LRBA: variants seen among roughly 807,000 people sequenced by gnomAD.
LRBA encodes the protein lipopolysaccharide-responsive and beige-like anchor protein.
A neutral mutation model predicts 330.0 loss-of-function variants in LRBA; 176 were observed. The ratio of observed to expected loss-of-function variants is 0.53; its 90% CI spans 0.47 to 0.60. The LOEUF (loss-of-function observed/expected upper bound fraction) is 0.60, where lower values mean the gene tolerates loss of function less well. Among genes scored for constraint, LRBA ranks in the 20% least tolerant of loss-of-function variants. The probability of loss-of-function intolerance (pLI) is 0.00; values close to 1 mark genes in which losing one functional copy is unlikely to be tolerated. For synonymous variants in LRBA, 1,230 were observed against 1,193.0 expected, an observed-to-expected ratio of 1.03 and a Z score of -0.64; for missense variants, 3,259 against 3,444.8, an observed-to-expected ratio of 0.95 and a Z score of 1.35.
At chr4:150,910,982 GT>G (rs921297209) in intron 9 of LRBA, among the ~76,000 whole-genome samples, 28 of 152,100 alleles carry the variant, frequency 1.8e-4, no homozygotes, top group Non-Finnish European at 3.7e-4. Flanking sequence ...TTTTCAAACT[GT>G]TCATTACTAC....
chr4:151,000,564 G>C (rs1167302920), intron 2 of LRBA, among the ~76,000 whole-genome samples: 1 of 152,174 alleles, frequency 6.6e-6, no homozygotes, highest in Non-Finnish European at 1.5e-5. Context: ...ACTTAGTAAA[G>C]TGACTAAAGG....
At chr4:150,407,955 G>T (rs983912209) in intron 47 of LRBA, among the ~76,000 whole-genome samples, 4 of 151,880 alleles carry the variant, frequency 2.6e-5, no homozygotes, top group South Asian at 4.1e-4. Flanking sequence ...TGGAAGAGAA[G>T]AACTCAAATA....
At chr4:150,500,533 G>A (rs148787875) in intron 40 of LRBA, among the ~76,000 whole-genome samples, 168 of 152,142 alleles carry the variant, frequency 1.1e-3, no homozygotes, top group African/African-American at 4.0e-3. Flanking sequence ...AGCTGAGATC[G>A]GACTACTGCA....
intron 37 of LRBA, among the ~76,000 whole-genome samples, chr4:150,618,848 G>GTGTATATATATATA (rs1032502834): frequency 6.8e-6 from 1 of 146,208 alleles, no homozygotes; most frequent in Admixed American, 6.8e-5. Flanking sequence ...ATGTGTGTAT[G>GTGTATATATATATA]TATATATATA....
At chr4:150,538,814 CAAA>C (rs35022729) in intron 40 of LRBA, among the ~76,000 whole-genome samples, 2 of 101,258 alleles carry the variant, frequency 2.0e-5, no homozygotes, top group Non-Finnish European at 2.1e-5. Context: ...GGCCCTGTCT[CAAA>C]AAAAAAAAAA....
chr4:150,838,196 C>T (rs576793067), intron 28 of LRBA, among the ~76,000 whole-genome samples: 35 of 152,130 alleles, frequency 2.3e-4, no homozygotes, highest in Non-Finnish European at 3.8e-4. Context: ...GTGGGTAACC[C>T]GATCTTTCTC....
chr4:150,500,912 C>T lies in LRBA; in HGVS notation c.6331-9877G>A, dbSNP rs369334166. On this transcript the variant is annotated intron_variant, in intron 40 of 56. Coordinates refer to ENST00000651943, the MANE Select transcript of LRBA (RefSeq NM_001364905.1). The stretch of plus-strand genomic sequence containing the variant: ...CTAATCAGAGGGAAATACTTTTCTA[C>T]TTTTTTAAAATTAGTACCTGCCTCC... Among the ~76,000 whole-genome samples, 65 of 152,214 alleles carry T rather than the reference C, an allele frequency of 4.3e-4. 1 individual carries two copies. In the South Asian group the frequency reaches 0.013, roughly 31 times the overall value.
At chr4:150,982,649 G>A (rs1412970001) in intron 2 of LRBA, among the ~76,000 whole-genome samples, 1 of 149,638 alleles carries the variant, frequency 6.7e-6, no homozygotes, top group African/African-American at 2.5e-5. Flanking sequence ...AGTTTCTCTT[G>A]TAATTTGCAT....
At chr4:150,847,562 G>A (rs1363897178) in intron 26 of LRBA, among the ~76,000 whole-genome samples, 1 of 152,100 alleles carries the variant, frequency 6.6e-6, no homozygotes, top group African/African-American at 2.4e-5. Flanking sequence ...CCACTTCCAT[G>A]TTATGTTTTC....
At chr4:150,410,063 GA>G (rs998397066) in intron 47 of LRBA, among the ~76,000 whole-genome samples, 7 of 151,888 alleles carry the variant, frequency 4.6e-5, no homozygotes, top group Non-Finnish European at 8.8e-5. Context: ...AAAACAATTT[GA>G]AAAAAGCTTC....
chr4:150,711,237 A>ATT (rs111721711), intron 36 of LRBA, among the ~76,000 whole-genome samples: 39 of 143,144 alleles, frequency 2.7e-4, no homozygotes, highest in Admixed American at 1.5e-3. Context: ...TAAGAAGTTA[A>ATT]TTTTTTTTTT....
Position 150,583,664 on chromosome 4 carries a change from C to T in LRBA, c.6330+4384G>A. On this transcript the variant is annotated intron_variant, in intron 40 of 56. Transcript: ENST00000651943. This position sits in a 1 kb window ranked among gnomAD's most constrained non-coding sequence, Gnocchi z 9.8. ...AAGGCCGAAGGGTTCAACTTGCTCT[C>T]GAAGGAGTGCTACTCGCTGACCGGC... 1 of 1,613,954 alleles carries T rather than the reference C, an allele frequency of 6.2e-7. No individual in the cohort carries two copies. Among genetic ancestry groups the T allele is most frequent in the East Asian group, 2.2e-5 (1 of 44,848 alleles).
intron 47 of LRBA, among the ~76,000 whole-genome samples, chr4:150,377,140 GAA>G (rs532735624): frequency 2.5e-5 from 3 of 120,794 alleles, no homozygotes; most frequent in Admixed American, 1.7e-4. Context: ...AAAAATAATG[GAA>G]AAAAAAAAAA....
chr4:150,590,569 A>AGG, intron 39 of LRBA, 144 bp downstream of exon 39: 2 of 638,928 alleles, frequency 3.1e-6, no homozygotes. Context: ...AAACTGTAGA[A>AGG]GGGGGGGAAG....
chr4:150,489,958 GA>G (rs1758695971), intron 41 of LRBA, among the ~76,000 whole-genome samples: 1 of 150,942 alleles, frequency 6.6e-6, no homozygotes. Context: ...AAATTTCAAA[GA>G]AAGAAAATGA....
At chr4:150,345,810 C>T (rs192866111) in intron 48 of LRBA, among the ~76,000 whole-genome samples, 9 of 152,138 alleles carry the variant, frequency 5.9e-5, no homozygotes, top group South Asian at 2.1e-4. Context: ...CTATTCCCCT[C>T]AACCTTTTTT....
rs142940203 is a variant in LRBA, at chr4:150,633,039, G to A, written c.5922-33908C>T. Among the ~76,000 whole-genome samples, 89 of 152,178 alleles carry A rather than the reference G, an allele frequency of 5.8e-4. 1 individual carries two copies. Among genetic ancestry groups the A allele is most frequent in the African/African-American group, 1.9e-3 (77 of 41,524 alleles). On this transcript the variant is annotated intron_variant, in intron 37 of 56. Transcript: ENST00000651943. Reference sequence around the variant, plus strand: ...GAACTCCAAAATTTATATACCCAGCGAAAATCTCCTTTTGAGTTCTAGAGC... The same window carrying A: ...GAACTCCAAAATTTATATACCCAGCAAAAATCTCCTTTTGAGTTCTAGAGC...
At chr4:150,701,825 T>G (rs534898948) in intron 36 of LRBA, among the ~76,000 whole-genome samples, 1 of 152,214 alleles carries the variant, frequency 6.6e-6, no homozygotes, top group Admixed American at 6.5e-5. Context: ...CTTCACTAAA[T>G]GACAAAAGTG....
intron 40 of LRBA, among the ~76,000 whole-genome samples, chr4:150,496,197 CA>C (rs1759573337): frequency 6.6e-6 from 1 of 152,094 alleles, no homozygotes; most frequent in Non-Finnish European, 1.5e-5. Context: ...TTCTGTCCTA[CA>C]AATAGTATAC....
Sources: gnomAD v4.1 joint callset for allele counts (sites outside exome capture counted in the v4.1 genomes callset) on GRCh38, gnomAD v4.1.1 for gene constraint, Gnocchi (gnomAD v3.1) non-coding constraint, MANE v1.5 for transcripts, NCBI Gene and HGNC (gene_info 2026-07-23, HGNC 2026-07-21) for gene names.